The following PRIM2 variants were observed in gnomAD, a reference collection of about 807,000 sequenced individuals.
The protein encoded by PRIM2 is DNA primase large subunit.
In PRIM2, 39 loss-of-function variants were observed where a neutral mutation model predicts 67.3. That is an observed-to-expected ratio of 0.58 (90% CI 0.45 to 0.76). The LOEUF is 0.76. Among genes scored for constraint, PRIM2 ranks in the 30% least tolerant of loss-of-function variants. The probability of loss-of-function intolerance (pLI) is 0.00; values close to 1 mark genes in which losing one functional copy is unlikely to be tolerated. For synonymous variants in PRIM2, 143 were observed against 198.7 expected, an observed-to-expected ratio of 0.72 and a Z score of 2.36; for missense variants, 398 against 598.7, an observed-to-expected ratio of 0.66 and a Z score of 3.50.
chr6:57,619,834 G>T (rs1776820215), intron 12 of PRIM2, among the ~76,000 whole-genome samples: 3 of 152,174 alleles, frequency 2.0e-5, no homozygotes, highest in Non-Finnish European at 4.4e-5. Context: ...TAAAAGCTTA[G>T]AAAACATATT....
chr6:57,621,758 T>C (rs1776860216), intron 12 of PRIM2, among the ~76,000 whole-genome samples: 2 of 152,204 alleles, frequency 1.3e-5, no homozygotes, highest in Admixed American at 6.5e-5. Flanking sequence ...TTAATACCTA[T>C]ATAGTTACCT....
At chr6:57,521,070 A>G (rs1423398890) in intron 8 of PRIM2, among the ~76,000 whole-genome samples, 2 of 152,326 alleles carry the variant, frequency 1.3e-5, no homozygotes, top group African/African-American at 2.4e-5. Flanking sequence ...TCTACATTCA[A>G]CCAATTTAAA....
intron 7 of PRIM2, among the ~76,000 whole-genome samples, chr6:57,466,060 G>A (rs879342071): frequency 2.0e-5 from 3 of 151,946 alleles, no homozygotes; most frequent in Non-Finnish European, 2.9e-5. Flanking sequence ...TTATGAGTGA[G>A]AACATGAGGT....
At chr6:57,342,341 ATTT>A (rs1171344391) in intron 5 of PRIM2, among the ~76,000 whole-genome samples, 1 of 152,172 alleles carries the variant, frequency 6.6e-6, no homozygotes, top group Non-Finnish European at 1.5e-5. Context: ...CATGGTGACT[ATTT>A]TGCATCTCCC....
chr6:57,592,048 C>G (rs1776290427), intron 10 of PRIM2, among the ~76,000 whole-genome samples: 1 of 152,080 alleles, frequency 6.6e-6, no homozygotes, highest in Non-Finnish European at 1.5e-5. Context: ...GGTCATTAAC[C>G]TAAGTGAATT....
chr6:57,558,990 A>G (rs1305193515), intron 10 of PRIM2, among the ~76,000 whole-genome samples: 1 of 151,610 alleles, frequency 6.6e-6, no homozygotes, highest in African/African-American at 2.4e-5. Context: ...TTAGCTGGTG[A>G]TACAGGTGTG....
intron 7 of PRIM2, among the ~76,000 whole-genome samples, chr6:57,385,384 T>C (rs963212315): frequency 6.6e-6 from 1 of 152,158 alleles, no homozygotes; most frequent in African/African-American, 2.4e-5. Flanking sequence ...TACAGAAAAT[T>C]AAGTAGAAAA....
intron 7 of PRIM2, among the ~76,000 whole-genome samples, chr6:57,499,218 C>T (rs1554346621): frequency 6.6e-6 from 1 of 152,188 alleles, no homozygotes; most frequent in African/African-American, 2.4e-5. Context: ...ATTTCTTGTT[C>T]CAGCTAAGAA....
chr6:57,488,920 A>G (rs1173529252), intron 7 of PRIM2, among the ~76,000 whole-genome samples: 2 of 152,192 alleles, frequency 1.3e-5, no homozygotes, highest in Non-Finnish European at 2.9e-5. Flanking sequence ...GCCAGGTACT[A>G]TATGATGCAC....
intron 5 of PRIM2, among the ~76,000 whole-genome samples, chr6:57,356,418 G>T (rs545409559): frequency 3.3e-5 from 5 of 152,106 alleles, no homozygotes; most frequent in Admixed American, 1.3e-4. Flanking sequence ...TATGAGATTT[G>T]CAAATGATAA....
At chr6:57,507,983 C>T (rs1774284314) in intron 8 of PRIM2, among the ~76,000 whole-genome samples, 1 of 152,194 alleles carries the variant, frequency 6.6e-6, no homozygotes, top group South Asian at 2.1e-4. Context: ...GTCGCCCAGG[C>T]TAGAGTGCAG....
At chr6:57,329,683 A>G (rs753521943) in intron 5 of PRIM2, among the ~76,000 whole-genome samples, 1 of 152,132 alleles carries the variant, frequency 6.6e-6, no homozygotes, top group African/African-American at 2.4e-5. Context: ...GCCATCTGCC[A>G]TGATTGTAAG....
At chr6:57,581,062 A>C (rs1236051827) in intron 10 of PRIM2, among the ~76,000 whole-genome samples, 1 of 152,190 alleles carries the variant, frequency 6.6e-6, no homozygotes, top group Non-Finnish European at 1.5e-5. Flanking sequence ...TTAATTCCTC[A>C]AAACATTTTT....
chr6:57,371,238 A>G (rs1769548253), intron 5 of PRIM2, among the ~76,000 whole-genome samples: 1 of 150,742 alleles, frequency 6.6e-6, no homozygotes, highest in Non-Finnish European at 1.5e-5. Flanking sequence ...AGTTGAACTG[A>G]TGTGTGCTTC....
chr6:57,345,192 T>C (rs1239261711), intron 5 of PRIM2, among the ~76,000 whole-genome samples: 1 of 151,984 alleles, frequency 6.6e-6, no homozygotes, highest in Non-Finnish European at 1.5e-5. Flanking sequence ...AGGGTTTCAC[T>C]CCATTGCCTA....
In PRIM2 at chr6:57,642,918, A is replaced by AT; in HGVS notation, c.1300-3009dup. Among the ~76,000 whole-genome samples, 4 of 152,330 alleles carry AT rather than the reference A, an allele frequency of 2.6e-5. No individual in the cohort carries two copies. In the South Asian group the frequency reaches 8.3e-4, roughly 32 times the overall value. The stretch of plus-strand genomic sequence containing the variant: ...TTCCTTAAAGTAGAAAAGGAACTTG[A>AT]TATATGCAAAGCAATAGGATCTTTC... On this transcript the variant is annotated intron_variant, in intron 13 of 13. Transcript: ENST00000615550.
At chr6:57,493,312 C>T (rs2127410991) in intron 7 of PRIM2, among the ~76,000 whole-genome samples, 1 of 152,260 alleles carries the variant, frequency 6.6e-6, no homozygotes, top group African/African-American at 2.4e-5. Flanking sequence ...CGTATGTTTA[C>T]TATATGTCTT....
chr6:57,640,922 A>C (rs1777219937), intron 13 of PRIM2, among the ~76,000 whole-genome samples: 1 of 145,022 alleles, frequency 6.9e-6, no homozygotes, highest in Non-Finnish European at 1.5e-5. Flanking sequence ...CATAGCCAAG[A>C]CAATCCTAAG....
At chr6:57,258,435 C>T in the PRIM2 span, among the ~76,000 whole-genome samples, 3 of 152,248 alleles carry the variant, frequency 2.0e-5, no homozygotes, top group South Asian at 6.2e-4. Flanking sequence ...TATTTCTGCA[C>T]TTTGTTTTTC....
Sources: allele counts gnomAD v4.1 joint callset (sites outside exome capture counted in the v4.1 genomes callset), GRCh38; gene constraint gnomAD v4.1.1; transcripts MANE v1.5; gene names NCBI Gene and HGNC (gene_info 2026-07-23, HGNC 2026-07-21).